Variants in ZNF335 observed in about 807,000 individuals in gnomAD.
ZNF335 encodes zinc finger protein 335.
Under a neutral mutation model 145.6 loss-of-function variants are expected in ZNF335, and 84 were observed. The ratio of observed to expected loss-of-function variants is 0.58; its 90% CI spans 0.48 to 0.69. The LOEUF (loss-of-function observed/expected upper bound fraction) is 0.69, where lower values mean the gene tolerates loss of function less well. Ranked by LOEUF, ZNF335 falls within the 30% of genes least tolerant of loss-of-function variation. The probability of loss-of-function intolerance (pLI) is 0.00; values close to 1 mark genes in which losing one functional copy is unlikely to be tolerated. For synonymous variants in ZNF335, 761 were observed against 717.0 expected (o/e 1.06, Z -0.98); for missense variants, 1,865 against 1,809.7 (o/e 1.03, Z -0.55).
chr20:45,968,581 C>CGA, intron 3 of ZNF335: 1 of 471,906 alleles, frequency 2.1e-6, no homozygotes, highest in Non-Finnish European at 3.9e-6. Context: ...CAGCAGCCGG[C>CGA]CCACACTTAC....
chr20:45,953,293 C>G (rs967924271), intron 18 of ZNF335, among the ~76,000 whole-genome samples: 4 of 152,092 alleles, frequency 2.6e-5, no homozygotes, highest in Admixed American at 1.3e-4. Flanking sequence ...TGAGCTTGCT[C>G]GGAGTGTCAG....
At chr20:45,951,831 C>T (rs1432028233) in intron 20 of ZNF335, among the ~76,000 whole-genome samples, 4 of 152,330 alleles carry the variant, frequency 2.6e-5, no homozygotes, top group African/African-American at 7.2e-5. Flanking sequence ...TGCCTTTGCT[C>T]CTAGAGGCCC....
chr20:45,965,666 CGG>C lies in ZNF335; in HGVS notation c.1062_1063del (p.Arg355GlufsTer75). 1 of 1,598,524 alleles carries C rather than the reference CGG, an allele frequency of 6.3e-7. No homozygotes were observed. The highest frequency in any genetic ancestry group is 8.5e-7 in the Non-Finnish European group (1 of 1,174,214). On this transcript the variant is annotated frameshift_variant, in exon 7 of 28. Coordinates refer to ENST00000322927, the MANE Select transcript of ZNF335 (RefSeq NM_022095.4). LOFTEE classifies it high-confidence loss of function. Reference sequence around the variant, plus strand: ...TGAGATCTCCAGGCGGGGCAGCTTCCGGGGCCGGCCAGGTCTCCTTCGGGGCC... The same window carrying C: ...TGAGATCTCCAGGCGGGGCAGCTTCCGGCCGGCCAGGTCTCCTTCGGGGCC...
rs772138559 is a variant in ZNF335, at chr20:45,967,864, C to T, written c.684G>A (p.Pro228=). The change falls in exon 5 of 28, where the codon CCG becomes CCA. Residue 228 remains proline, a synonymous_variant. Coordinates refer to ENST00000322927, the MANE Select transcript of ZNF335 (RefSeq NM_022095.4). ...TCATGGCCTCCAGGCTCTGCAGGTC[C>T]GGCTCTTCGGCACCGGAGGCTGGGG... The part of the protein sequence containing the change: ...QLPPASGAEE[P]DLQSLEAMME... The T allele has an allele frequency of 1.4e-5, 23 of 1,613,236 alleles. No individual in the cohort carries two copies. Among genetic ancestry groups the T allele is most frequent in the Middle Eastern group, 1.6e-4 (1 of 6,084 alleles).
chr20:45,969,573 A>G lies in ZNF335; in HGVS notation c.320T>C (p.Val107Ala), dbSNP rs775892992. 1 of 1,604,990 alleles carries G rather than the reference A, an allele frequency of 6.2e-7. No homozygotes were observed. Among genetic ancestry groups the G allele is most frequent in the Non-Finnish European group, 8.5e-7 (1 of 1,173,142 alleles). ...AGVTGGPPAL[V>A]HSSALPDPNM... ...GGGGTCTGGGAGTGCACTAGAGTGC[A>G]CAAGTGCTGGGGGACCGCCTGTCAC... The change falls in exon 3 of 28, where the codon GTG (valine) becomes GCG (alanine). Residue 107 changes from valine (V) to alanine (A), a missense_variant. Transcript: ENST00000322927.
At chr20:45,958,040 T>C (rs1035192752) in intron 15 of ZNF335, 112 bp from the exon 16 acceptor site, 2 of 817,584 alleles carry the variant, frequency 2.4e-6, no homozygotes, top group Non-Finnish European at 4.0e-6. Flanking sequence ...TTGTTTCATC[T>C]TCATAACCAC....
chr20:45,957,955 T>A, intron 15 of ZNF335, 27 bp from the exon 16 acceptor site: 2 of 1,583,624 alleles, frequency 1.3e-6, no homozygotes, highest in Non-Finnish European at 1.7e-6. Flanking sequence ...TGGCCACGCC[T>A]GAGAGGGGCC....
In ZNF335 at chr20:45,962,171, G is replaced by C. The variant is rs2083855243; in HGVS notation, c.1545C>G (p.Phe515Leu). The C allele has an allele frequency of 6.2e-7, 1 of 1,614,068 alleles. No individual in the cohort carries two copies. Among genetic ancestry groups the C allele is most frequent in the Non-Finnish European group, 8.5e-7 (1 of 1,179,962 alleles). Residue 515 changes from phenylalanine to leucine, a missense_variant, in exon 10 of 28, where the codon TTC (phenylalanine) becomes TTG (leucine). Transcript: ENST00000322927. ...TGTAGGGCTTGCTGCCCACGTGGTT[G>C]AACATGTGCTCCTGGGAGACAGACA... ...RRWSSLKEHMFNHVGSKPYKC... is the reference protein window; with the variant it reads ...RRWSSLKEHMLNHVGSKPYKC...
Position 45,949,501 on chromosome 20 carries a change from T to C in ZNF335, c.3737A>G (p.Glu1246Gly). ...LLPQEYVVVPEGHHIQVQEGQ... is the reference protein window; with the variant it reads ...LLPQEYVVVPGGHHIQVQEGQ... Reference sequence around the variant, plus strand: ...CTGGCCTACCTGGATGTGATGGCCTTCAGGGACCACAACATATTCCTGGGG... The same window carrying C: ...CTGGCCTACCTGGATGTGATGGCCTCCAGGGACCACAACATATTCCTGGGG... The change falls in exon 25 of 28, where the codon GAA (glutamate) becomes GGA (glycine). Residue 1246 changes from glutamate to glycine, a missense_variant. Glu to Gly is a moderately conservative substitution (Grantham distance 98, BLOSUM62 -2). Coordinates refer to ENST00000322927, the MANE Select transcript of ZNF335 (RefSeq NM_022095.4). The C allele has an allele frequency of 6.2e-7, 1 of 1,613,732 alleles. No individual in the cohort carries two copies.
At position 45,949,271 on chromosome 20, in the gene ZNF335, A is replaced by G; in HGVS notation, c.3820-20T>C. ...CTGGATCTGGAGGGGAGAAGCTGAT[A>G]AGATGCTGGCCTGGAGAAACCTGCC... On this transcript the variant is annotated intron_variant, in intron 26 of 27. Transcript: ENST00000322927. 1.2e-6 allele frequency: 2 copies of G among 1,613,898 alleles called. No homozygotes were observed. Among genetic ancestry groups the G allele is most frequent in the Non-Finnish European group, 1.7e-6 (2 of 1,179,978 alleles).
Position 45,969,376 on chromosome 20 carries a change from ACACAGCTAGGGTGGG to A in ZNF335, c.442+60_442+74del, listed in dbSNP as rs2084015279. The A allele has an allele frequency of 5.7e-6, 8 of 1,408,538 alleles. No individual in the cohort carries two copies. The East Asian group carries it at 1.9e-4, about 34-fold the overall frequency. The allele number at this position is 1,408,538 out of a possible 1,614,324, so 87.3% of individuals were successfully genotyped here. A position where few individuals can be genotyped will look rare whatever the true frequency, so the allele number is the denominator to read the frequency against. On this transcript the variant is annotated intron_variant, in intron 3 of 27. Coordinates refer to ENST00000322927, the MANE Select transcript of ZNF335 (RefSeq NM_022095.4). ...ATGGGAAAGTAATCTGCCTGAGTTCACACAGCTAGGGTGGGCACAGCTGGCTGCCGGACACTGCAG... is the reference window on the plus strand; with the variant it reads ...ATGGGAAAGTAATCTGCCTGAGTTCACACAGCTGGCTGCCGGACACTGCAG...
At position 45,963,493 on chromosome 20, in the gene ZNF335, G is replaced by A. The variant is rs201976514; in HGVS notation, c.1513C>T (p.Arg505Cys). The change falls in exon 9 of 28, where the codon CGC becomes TGC. Residue 505 changes from arginine (R) to cysteine (C), a missense_variant. Transcript: ENST00000322927. ...FKCLQCSYRS[R>C]RWSSLKEHMF... ...CGCACCTTGAGCGAGGACCAGCGGC[G>A]GGAACGATAGCTGCACTGCAGGCAC... The A allele has an allele frequency of 2.8e-5, 45 of 1,612,628 alleles. No homozygotes were observed. Among genetic ancestry groups the A allele is most frequent in the Admixed American group, 8.3e-5 (5 of 60,012 alleles).
intron 9 of ZNF335, 51 bp downstream of exon 9, chr20:45,963,422 G>C: frequency 6.4e-7 from 1 of 1,573,490 alleles, no homozygotes; most frequent in Admixed American, 1.8e-5. Flanking sequence ...GCTGGCCTCT[G>C]CTTGCCTTCT....
chr20:45,953,939 C>A lies in ZNF335; in HGVS notation c.2452G>T (p.Val818Leu). The stretch of plus-strand genomic sequence containing the variant: ...CCTGCTTCCACATCTTCCGACTTCA[C>A]CACAGCCACCTGCAACGGCACCAGG... ...LGGTALQVAV[V>L]KSEDVEAGLA... The change falls in exon 18 of 28, where the codon GTG (valine) becomes TTG (leucine). Residue 818 changes from valine to leucine, a missense_variant. Physicochemically the swap from Val to Leu is conservative, Grantham distance 32 (BLOSUM62 1). Transcript: ENST00000322927. 6.3e-7 allele frequency: 1 copy of A among 1,594,108 alleles called. No individual in the cohort carries two copies. Among genetic ancestry groups the A allele is most frequent in the Non-Finnish European group, 8.6e-7 (1 of 1,169,250 alleles).
intron 1 of ZNF335, chr20:45,971,707 C>A: frequency 1.0e-6 from 1 of 985,490 alleles, no homozygotes; most frequent in Non-Finnish European, 1.2e-6. Context: ...TTTCCCTCGC[C>A]CCCACGATTC....
Position 45,950,538 on chromosome 20 carries a change from CA to C in ZNF335, c.3246del (p.Phe1082LeufsTer14). On this transcript the variant is annotated frameshift_variant, in exon 21 of 28. Coordinates refer to ENST00000322927, the MANE Select transcript of ZNF335 (RefSeq NM_022095.4). LOFTEE classifies it high-confidence loss of function. ...CGCAGGTCCTTCTTGTTCTTGGAGG[CA>C]AAGCTGCACTGGCTACACTGGTGGG... ...LRPHQCSQCSFASKNKKDLRR... is the reference protein window; with the variant it reads ...LRPHQCSQCSXASKNKKDLRR... 1 of 1,614,196 alleles carries C rather than the reference CA, an allele frequency of 6.2e-7. No individual in the cohort carries two copies. The highest frequency in any genetic ancestry group is 8.5e-7 in the Non-Finnish European group (1 of 1,180,054).
intron 3 of ZNF335, among the ~76,000 whole-genome samples, 191 bp downstream of exon 3, chr20:45,969,260 C>A (rs961731642): frequency 1.6e-4 from 25 of 152,202 alleles, no homozygotes; most frequent in African/African-American, 5.5e-4. Context: ...TCATGCCAGG[C>A]GCTAGGCTGA....
At chr20:45,951,956 TTG>T (rs928141780) in intron 20 of ZNF335, among the ~76,000 whole-genome samples, 189 bp downstream of exon 20, 2 of 152,204 alleles carry the variant, frequency 1.3e-5, no homozygotes, top group African/African-American at 4.8e-5. Context: ...ATTAGTCACG[TTG>T]TGTGTGGTTT....
In ZNF335 at chr20:45,959,287, A is replaced by T. The variant is rs41305805; in HGVS notation, c.2167T>A (p.Phe723Ile). The T allele has an allele frequency of 6.4e-7, 1 of 1,553,546 alleles. No individual in the cohort carries two copies. Among genetic ancestry groups the T allele is most frequent in the Non-Finnish European group, 8.7e-7 (1 of 1,145,504 alleles). Residue 723 changes from phenylalanine to isoleucine, a missense_variant, in exon 15 of 28, where the codon TTC becomes ATC. Transcript: ENST00000322927. ...TCCTCAATCTGCTGCAGAGAGAAGAAGGGGCGACGGCGGGAGGGGGGCTCC... is the reference window on the plus strand; with the variant it reads ...TCCTCAATCTGCTGCAGAGAGAAGATGGGGCGACGGCGGGAGGGGGGCTCC... ...PEEPPSRRRPFFSLQQIEELK... is the reference protein window; with the variant it reads ...PEEPPSRRRPIFSLQQIEELK...
Sources: gnomAD v4.1 joint callset for allele counts (sites outside exome capture counted in the v4.1 genomes callset) on GRCh38, gnomAD v4.1.1 for gene constraint, MANE v1.5 for transcripts, NCBI Gene and HGNC (gene_info 2026-07-23, HGNC 2026-07-21) for gene names.